ABCC4: variants seen among roughly 807,000 people sequenced by gnomAD.
The protein encoded by ABCC4 is ATP-binding cassette sub-family C member 4.
Under a neutral mutation model 168.5 loss-of-function variants are expected in ABCC4, and 102 were observed. The observed-to-expected ratio is 0.61, with a 90% CI of 0.52 to 0.71. The LOEUF (loss-of-function observed/expected upper bound fraction) is 0.71. ABCC4 is among the 30% of genes least tolerant of loss of function. ABCC4 has a pLI of 0.00. For missense variants in ABCC4, 1,402 were observed against 1,605.8 expected (o/e 0.87, Z 2.17); for synonymous variants, 617 against 590.7 (o/e 1.04, Z -0.65).
chr13:95,143,985 CAG>C (rs1354573341), intron 19 of ABCC4, among the ~76,000 whole-genome samples: 1 of 152,038 alleles, frequency 6.6e-6, no homozygotes, highest in African/African-American at 2.4e-5. Flanking sequence ...GTGAAGAAGA[CAG>C]AGGTTAAAAT....
At chr13:95,023,213 AT>A (rs1260027072) in intron 30 of ABCC4, among the ~76,000 whole-genome samples, 8 of 152,238 alleles carry the variant, frequency 5.3e-5, no homozygotes, top group East Asian at 1.9e-4. Context: ...CTCTTGATGT[AT>A]TTTTTTAAAT....
At chr13:95,080,165 G>A (rs773947115) in intron 21 of ABCC4, among the ~76,000 whole-genome samples, 1 of 152,056 alleles carries the variant, frequency 6.6e-6, no homozygotes, top group Non-Finnish European at 1.5e-5. Context: ...AACGAACATG[G>A]GACACATGGG....
intron 20 of ABCC4, among the ~76,000 whole-genome samples, chr13:95,086,735 C>T (rs1382357221): frequency 6.6e-6 from 1 of 152,170 alleles, no homozygotes; most frequent in Non-Finnish European, 1.5e-5. Flanking sequence ...AAATGCCATC[C>T]ATCCTTCTGG....
At chr13:95,061,505 T>C (rs1379627470) in intron 26 of ABCC4, among the ~76,000 whole-genome samples, 1 of 151,452 alleles carries the variant, frequency 6.6e-6, no homozygotes, top group African/African-American at 2.4e-5. Context: ...CATTGAAGAG[T>C]TGTTTATATC....
At chr13:95,263,427 C>G (rs1379157951) in intron 1 of ABCC4, among the ~76,000 whole-genome samples, 1 of 152,114 alleles carries the variant, frequency 6.6e-6, no homozygotes, top group Non-Finnish European at 1.5e-5. Flanking sequence ...TATATATACA[C>G]ATACACACAA....
At position 95,164,375 on chromosome 13, in the gene ABCC4, T is replaced by C; in HGVS notation, c.2175+3A>G. 1 of 1,613,976 alleles carries C rather than the reference T, an allele frequency of 6.2e-7. No individual in the cohort carries two copies. The highest frequency in any genetic ancestry group is 2.2e-5 in the East Asian group (1 of 44,862). On this transcript the variant is annotated splice_donor_region_variant and intron_variant, in intron 16 of 30. Transcript: ENST00000645237. ...AGGGCGCAAAACAAATGTCATTATT[T>C]ACCTGAGCTGCAGTGTTTAGGAGAA...
intron 20 of ABCC4, among the ~76,000 whole-genome samples, chr13:95,108,834 G>A (rs1293326884): frequency 6.6e-6 from 1 of 151,756 alleles, no homozygotes; most frequent in African/African-American, 2.4e-5. Context: ...GTTCCCTTCT[G>A]GAGACCTGGC....
rs919288624 is a variant in ABCC4 at position 95,064,714 on chromosome 13, G to GA, written c.3211-1856dup. Among the ~76,000 whole-genome samples the GA allele has an allele frequency of 1.1e-4, 17 of 152,132 alleles. No homozygotes were observed. The East Asian group carries it at 1.4e-3, about 12-fold the overall frequency. ...CAGGATGGACCCCCTCAAAGGTAGG[G>GA]AACACTGAGGGCTGCCTACAACCAT... is the stretch of plus-strand genomic sequence containing the variant. On this transcript the variant is annotated intron_variant, in intron 25 of 30. Transcript: ENST00000645237.
intron 19 of ABCC4, among the ~76,000 whole-genome samples, chr13:95,154,300 A>C (rs1014951207): frequency 5.9e-5 from 9 of 152,214 alleles, no homozygotes; most frequent in African/African-American, 2.2e-4. Context: ...TGTTCTTTAC[A>C]ATACGCATCA....
At chr13:95,142,816 A>G (rs1190862003) in intron 19 of ABCC4, among the ~76,000 whole-genome samples, 1 of 152,202 alleles carries the variant, frequency 6.6e-6, no homozygotes, top group Non-Finnish European at 1.5e-5. Context: ...ATGAAACGCT[A>G]TTTTCCGCAA....
In ABCC4 at chr13:95,020,193, A is replaced by G. The variant is rs2031014872; in HGVS notation, c.*1382T>C. 6.6e-6 allele frequency: 1 copy of G among 152,364 alleles called. No homozygotes were observed. The highest frequency in any genetic ancestry group is 1.5e-5 in the Non-Finnish European group (1 of 68,030). The allele number at this position is 152,364 out of a possible 1,614,324, so 9.4% of individuals were successfully genotyped here. A position where few individuals can be genotyped will look rare whatever the true frequency, so the allele number is the denominator to read the frequency against. On this transcript the variant is annotated 3_prime_UTR_variant, in exon 31 of 31. Coordinates refer to ENST00000645237, the MANE Select transcript of ABCC4 (RefSeq NM_005845.5). ...TGTGTGCTTTTTAAGGCTTCACTCA[A>G]TAAAACATCTGTTGCTCTCTGCTGA...
At chr13:95,184,054 C>T (rs1421603694) in intron 11 of ABCC4, among the ~76,000 whole-genome samples, 6 of 152,262 alleles carry the variant, frequency 3.9e-5, no homozygotes, top group African/African-American at 1.2e-4. Context: ...TGCTTACACA[C>T]ATCCAGGAAG....
intron 4 of ABCC4, among the ~76,000 whole-genome samples, chr13:95,211,586 G>T (rs950929796): frequency 6.6e-6 from 1 of 152,058 alleles, no homozygotes; most frequent in Non-Finnish European, 1.5e-5. Context: ...ATGGAAGCGG[G>T]GCTGAAACAG....
At chr13:95,055,153 C>G (rs1476981568) in intron 26 of ABCC4, among the ~76,000 whole-genome samples, 1 of 152,058 alleles carries the variant, frequency 6.6e-6, no homozygotes, top group Non-Finnish European at 1.5e-5. Context: ...AACTGAAGAC[C>G]AAAACCTGAA....
chr13:95,265,659 A>C (rs1165735184), intron 1 of ABCC4, among the ~76,000 whole-genome samples: 1 of 152,130 alleles, frequency 6.6e-6, no homozygotes, highest in East Asian at 1.9e-4. Flanking sequence ...CCACGCTAAG[A>C]GGAGAGCATG....
At chr13:95,056,270 T>C (rs763409624) in intron 26 of ABCC4, among the ~76,000 whole-genome samples, 2 of 152,160 alleles carry the variant, frequency 1.3e-5, no homozygotes, top group Non-Finnish European at 2.9e-5. Context: ...TATGTGTGCA[T>C]TTCAAATCCT....
chr13:95,298,329 A>G (rs1466943272), intron 1 of ABCC4, among the ~76,000 whole-genome samples: 2 of 152,158 alleles, frequency 1.3e-5, no homozygotes, highest in African/African-American at 4.8e-5. Flanking sequence ...AAATTTTAAC[A>G]ATTAAAAATA....
chr13:95,164,485 TCTC>T lies in ABCC4; in HGVS notation c.2065_2067del (p.Glu689del). ...AAACCAACTTTTCCTTCAGAACGGT[TCTC>T]CTCTGATAGTGTAACTGGGACATTC... On this transcript the variant is annotated inframe_deletion, in exon 16 of 31. Transcript: ENST00000645237. 6.2e-7 allele frequency: 1 copy of T among 1,614,104 alleles called. No individual in the cohort carries two copies. The highest frequency in any genetic ancestry group is 8.5e-7 in the Non-Finnish European group (1 of 1,179,992).
intron 3 of ABCC4, among the ~76,000 whole-genome samples, chr13:95,235,796 C>T (rs561819998): frequency 2.1e-4 from 32 of 152,242 alleles, no homozygotes; most frequent in African/African-American, 5.5e-4. Context: ...CCTACAAGCC[C>T]GGATGTGCCC....
Sources: gnomAD v4.1 joint callset for allele counts (sites outside exome capture counted in the v4.1 genomes callset) on GRCh38, gnomAD v4.1.1 for gene constraint, MANE v1.5 for transcripts, NCBI Gene and HGNC (gene_info 2026-07-23, HGNC 2026-07-21) for gene names.